NHERF2: variants seen among roughly 807,000 people sequenced by gnomAD.
NHERF2 encodes Na(+)/H(+) exchange regulatory cofactor NHE-RF2.
chr16:2,032,799 G>A, the NHERF2 span: 1 of 997,158 alleles, frequency 1.0e-6, no homozygotes, highest in Non-Finnish European at 1.2e-6. This position sits in a 1 kb window ranked among gnomAD's most constrained non-coding sequence, Gnocchi z 4.0. Flanking sequence ...CCCCCAAACA[G>A]AGACGGGGTG....
the NHERF2 span, chr16:2,029,467 C>A: frequency 1.0e-6 from 1 of 975,850 alleles, no homozygotes; most frequent in East Asian, 2.6e-5. Flanking sequence ...CAGCCACCCG[C>A]CCATGCAGAC....
At chr16:2,034,790 C>T in the NHERF2 span, among the ~76,000 whole-genome samples, 1 of 149,656 alleles carries the variant, frequency 6.7e-6, no homozygotes, top group Non-Finnish European at 1.5e-5. Flanking sequence ...TCCACTTCCC[C>T]TCCCGAACTG....
At chr16:2,032,022 CTTTT>C in the NHERF2 span, among the ~76,000 whole-genome samples, 2 of 141,870 alleles carry the variant, frequency 1.4e-5, no homozygotes, top group Non-Finnish European at 3.1e-5. This position sits in a 1 kb window ranked among gnomAD's most constrained non-coding sequence, Gnocchi z 4.0. Context: ...TTCTTTCTTT[CTTTT>C]TTTTTTTTTT....
chr16:2,035,446 AG>A, the NHERF2 span: 6 of 985,350 alleles, frequency 6.1e-6, no homozygotes. Context: ...GTAGGAGGTG[AG>A]GGAAGGGCCC....
chr16:2,037,784 T>C, the NHERF2 span: 296,946 of 1,555,094 alleles, frequency 0.19, 30,145 homozygotes, highest in Middle Eastern at 0.25. Context: ...GGTGTGGGAC[T>C]AGGGCTCACT....
the NHERF2 span, among the ~76,000 whole-genome samples, chr16:2,028,915 C>T: frequency 1.3e-5 from 2 of 152,214 alleles, no homozygotes; most frequent in Non-Finnish European, 2.9e-5. Context: ...GTGCACCTGC[C>T]TCTCCCCCTC....
the NHERF2 span, chr16:2,035,813 G>A: frequency 3.0e-5 from 13 of 433,286 alleles, no homozygotes; most frequent in East Asian, 9.4e-4. Flanking sequence ...CCACGGGGGT[G>A]GGGCGGCTCA....
the NHERF2 span, chr16:2,033,532 C>A: frequency 7.9e-7 from 1 of 1,272,962 alleles, no homozygotes; most frequent in Non-Finnish European, 1.1e-6. Flanking sequence ...TGTAAGCAGG[C>A]TGGTCGCTGA....
the NHERF2 span, among the ~76,000 whole-genome samples, chr16:2,031,135 G>GC: frequency 6.6e-6 from 1 of 152,192 alleles, no homozygotes; most frequent in Non-Finnish European, 1.5e-5. Flanking sequence ...TAGGAGCTGA[G>GC]CCCGGGGGGA....
chr16:2,033,612 A>C, the NHERF2 span, among the ~76,000 whole-genome samples: 24 of 152,288 alleles, frequency 1.6e-4, no homozygotes, highest in African/African-American at 5.5e-4. Flanking sequence ...GGGTACCCCC[A>C]TGCCAGCCTC....
At chr16:2,034,846 G>A in the NHERF2 span, among the ~76,000 whole-genome samples, 1 of 152,236 alleles carries the variant, frequency 6.6e-6, no homozygotes, top group Non-Finnish European at 1.5e-5. Flanking sequence ...CAGCCTGGGG[G>A]CCGTGCTGTG....
the NHERF2 span, chr16:2,033,279 C>T: frequency 1.7e-5 from 26 of 1,530,622 alleles, no homozygotes; most frequent in Non-Finnish European, 2.2e-5. Context: ...AGTGGGGTGG[C>T]AGCCTGGGTC....
At chr16:2,035,583 G>T in the NHERF2 span, 1 of 987,224 alleles carries the variant, frequency 1.0e-6, no homozygotes, top group South Asian at 4.7e-5. Flanking sequence ...ACGGGCAGCC[G>T]CTGGCCACCG....
chr16:2,036,339 C>T, the NHERF2 span: 1 of 1,609,412 alleles, frequency 6.2e-7, no homozygotes, highest in Non-Finnish European at 8.5e-7. Context: ...CAGTGGGCCC[C>T]TGAGGGAGCT....
the NHERF2 span, chr16:2,033,272 G>A: frequency 6.5e-7 from 1 of 1,530,114 alleles, no homozygotes; most frequent in Non-Finnish European, 8.7e-7. Flanking sequence ...GTAGATAAGT[G>A]GGGTGGCAGC....
chr16:2,035,758 G>A, the NHERF2 span: 5 of 876,300 alleles, frequency 5.7e-6, no homozygotes, highest in South Asian at 5.3e-5. Context: ...GGCCCTCTGT[G>A]CCCTGTCCAC....
At chr16:2,033,503 G>A in the NHERF2 span, 1,875 of 1,432,768 alleles carry the variant, frequency 1.3e-3, 6 homozygotes, top group Non-Finnish European at 1.3e-3. Flanking sequence ...GGTGGAAGGA[G>A]GGGACTCCGG....
the NHERF2 span, chr16:2,038,142 C>G: frequency 1.2e-6 from 1 of 866,980 alleles, no homozygotes; most frequent in Non-Finnish European, 1.8e-6. Flanking sequence ...CTGCCCCTGC[C>G]CACCAGGTAC....
chr16:2,031,920 G>C, the NHERF2 span, among the ~76,000 whole-genome samples: 3 of 152,068 alleles, frequency 2.0e-5, no homozygotes, highest in Admixed American at 2.0e-4. Flanking sequence ...TCGAACTCCT[G>C]ATCTCAGGTG....
Sources: allele counts gnomAD v4.1 joint callset (sites outside exome capture counted in the v4.1 genomes callset), GRCh38; gene constraint gnomAD v4.1.1; non-coding constraint Gnocchi (gnomAD v3.1); transcripts MANE v1.5; gene names NCBI Gene and HGNC (gene_info 2026-07-23, HGNC 2026-07-21).